The following EPB41L4A variants were observed in gnomAD, a reference collection of about 807,000 sequenced individuals.
The protein encoded by EPB41L4A is erythrocyte membrane protein band 4.1 like 4A.
EPB41L4A carries 100 observed loss-of-function variants against 108.6 expected under a neutral mutation model. That is an observed-to-expected ratio of 0.92 (90% CI 0.78 to 1.09). The LOEUF is 1.09. Ranked by LOEUF, EPB41L4A falls within the 50% of genes least tolerant of loss-of-function variation. The pLI is 0.00. For missense variants in EPB41L4A, 1,030 were observed against 842.7 expected, an observed-to-expected ratio of 1.22 and a Z score of -2.75; for synonymous variants, 319 against 289.0, an observed-to-expected ratio of 1.10 and a Z score of -1.05.
At chr5:112,285,306 A>G (rs1303576001) in intron 2 of EPB41L4A, among the ~76,000 whole-genome samples, 1 of 152,208 alleles carries the variant, frequency 6.6e-6, no homozygotes, top group East Asian at 1.9e-4. Flanking sequence ...AGAGTTGGTC[A>G]TGTACCATTG....
intron 12 of EPB41L4A, among the ~76,000 whole-genome samples, chr5:112,224,082 G>C (rs1206186721): frequency 6.6e-6 from 1 of 152,158 alleles, no homozygotes; most frequent in Non-Finnish European, 1.5e-5. Context: ...CTCCTGAGTA[G>C]CTGGGATTAC....
rs562140461 is a variant in EPB41L4A, at chr5:112,208,711, C to T, written c.1178+1181G>A. On this transcript the variant is annotated intron_variant, in intron 13 of 22. Coordinates refer to ENST00000261486, the MANE Select transcript of EPB41L4A (RefSeq NM_022140.5). Reference sequence around the variant, plus strand: ...TGACAAACCTACTGGCACACGTACCCCTGGACCTAAAATAAAAGTTGAAAA... The same window carrying T: ...TGACAAACCTACTGGCACACGTACCTCTGGACCTAAAATAAAAGTTGAAAA... Among the ~76,000 whole-genome samples the T allele has an allele frequency of 2.0e-5, 3 of 152,238 alleles. No individual in the cohort carries two copies. The South Asian group carries it at 6.2e-4, about 32-fold the overall frequency.
At chr5:112,395,516 CG>C (rs1272044930) in intron 1 of EPB41L4A, among the ~76,000 whole-genome samples, 1 of 152,152 alleles carries the variant, frequency 6.6e-6, no homozygotes, top group African/African-American at 2.4e-5. Flanking sequence ...CACTGGTCAT[CG>C]GAGAAATGCA....
intron 1 of EPB41L4A, among the ~76,000 whole-genome samples, chr5:112,312,815 T>G (rs1755134185): frequency 6.6e-6 from 1 of 152,182 alleles, no homozygotes. Flanking sequence ...TTATGGGTAC[T>G]TTGTAGAGAC....
intron 1 of EPB41L4A, among the ~76,000 whole-genome samples, chr5:112,393,284 A>C (rs528442799): frequency 6.6e-6 from 1 of 152,338 alleles, no homozygotes; most frequent in South Asian, 2.1e-4. Flanking sequence ...AACCATCAAA[A>C]AATTAATGAA....
At chr5:112,325,210 G>A (rs918363014) in intron 1 of EPB41L4A, among the ~76,000 whole-genome samples, 2 of 152,214 alleles carry the variant, frequency 1.3e-5, no homozygotes, top group African/African-American at 2.4e-5. Flanking sequence ...GGGAAGCTGA[G>A]GCGGGCAGAT....
chr5:112,168,224 TAA>T (rs1314590385), intron 22 of EPB41L4A, among the ~76,000 whole-genome samples: 1 of 152,238 alleles, frequency 6.6e-6, no homozygotes, highest in Non-Finnish European at 1.5e-5. Context: ...AGCTAAGTGT[TAA>T]AGTGATTTTG....
In EPB41L4A at chr5:112,307,376, C is replaced by G. The variant is rs769108686; in HGVS notation, c.204+10G>C. The G allele has an allele frequency of 6.3e-7, 1 of 1,577,482 alleles. No individual in the cohort carries two copies. The highest frequency in any genetic ancestry group is 8.7e-7 in the Non-Finnish European group (1 of 1,148,128). On this transcript the variant is annotated intron_variant, in intron 2 of 22. Coordinates refer to ENST00000261486, the MANE Select transcript of EPB41L4A (RefSeq NM_022140.5). Reference sequence around the variant, plus strand: ...ACCAGAAAAATTTAACACAAAGTCACCTTACTCACCGTCTGATGGCTTCTG... The same window carrying G: ...ACCAGAAAAATTTAACACAAAGTCAGCTTACTCACCGTCTGATGGCTTCTG...
At chr5:112,185,121 C>T (rs1224623263) in intron 17 of EPB41L4A, among the ~76,000 whole-genome samples, 2 of 151,342 alleles carry the variant, frequency 1.3e-5, no homozygotes, top group African/African-American at 4.9e-5. Flanking sequence ...AAAACGGAAC[C>T]CCTGTTATTT....
intron 12 of EPB41L4A, among the ~76,000 whole-genome samples, chr5:112,152,300 A>T (rs1759500225): frequency 1.3e-5 from 2 of 152,204 alleles, no homozygotes; most frequent in African/African-American, 4.8e-5. Flanking sequence ...AGTGAACCAA[A>T]TATTCTAAGT....
chr5:112,146,070 C>A, intron 12 of EPB41L4A: 1 of 439,724 alleles, frequency 2.3e-6, no homozygotes, highest in South Asian at 1.6e-5. Flanking sequence ...GGTGCTACTG[C>A]CTCTAGGGAC....
chr5:112,292,918 CG>C (rs1753742403), intron 2 of EPB41L4A, among the ~76,000 whole-genome samples: 1 of 151,972 alleles, frequency 6.6e-6, no homozygotes, highest in African/African-American at 2.4e-5. Flanking sequence ...CTGATTTAAC[CG>C]GGGAGAAGGA....
intron 2 of EPB41L4A, among the ~76,000 whole-genome samples, chr5:112,299,472 T>G (rs1349760609): frequency 6.6e-6 from 1 of 152,152 alleles, no homozygotes; most frequent in Non-Finnish European, 1.5e-5. Flanking sequence ...TTGGAGAAAG[T>G]TCCATGCACT....
At chr5:112,340,103 C>T (rs184044436) in intron 1 of EPB41L4A, among the ~76,000 whole-genome samples, 30 of 152,228 alleles carry the variant, frequency 2.0e-4, no homozygotes, top group Middle Eastern at 3.4e-3. Context: ...CGGAGGAGAG[C>T]CCATCGACCC....
In EPB41L4A at chr5:112,148,093, A is replaced by T. The variant is rs576537333; in HGVS notation, n.995-2095T>A. 2.7e-5 allele frequency among the ~76,000 whole-genome samples: 4 copies of T among 147,896 alleles called. No homozygotes were observed. In the South Asian group the frequency reaches 8.4e-4, roughly 31 times the overall value. ...AAATTGGGAGTTAAATAGTATTACT[A>T]TAATATAATAGTATTACTATATAAT... is the stretch of plus-strand genomic sequence containing the variant. On this transcript the variant is annotated intron_variant and non_coding_transcript_variant, in intron 12 of 13. Transcript: ENST00000507810.
intron 9 of EPB41L4A, among the ~76,000 whole-genome samples, chr5:112,258,917 T>C (rs1751300919): frequency 1.3e-5 from 2 of 152,204 alleles, no homozygotes; most frequent in South Asian, 4.1e-4. Flanking sequence ...TTATAACTCC[T>C]ACCTTCTACC....
intron 12 of EPB41L4A, among the ~76,000 whole-genome samples, chr5:112,224,966 C>G (rs1324235804): frequency 2.0e-5 from 3 of 152,222 alleles, no homozygotes; most frequent in African/African-American, 7.2e-5. Context: ...TTTATACTAA[C>G]TTCTTCCTTT....
chr5:112,315,355 C>T (rs985056177), intron 1 of EPB41L4A, among the ~76,000 whole-genome samples: 1 of 152,208 alleles, frequency 6.6e-6, no homozygotes, highest in Admixed American at 6.5e-5. Flanking sequence ...CTGAGTATCA[C>T]ACACCACTTA....
chr5:112,237,427 T>C (rs1749427377), intron 11 of EPB41L4A, among the ~76,000 whole-genome samples: 1 of 152,166 alleles, frequency 6.6e-6, no homozygotes, highest in African/African-American at 2.4e-5. Flanking sequence ...GAGTAAAGAC[T>C]AGAACTCTTG....
Sources: gnomAD v4.1 joint callset for allele counts (sites outside exome capture counted in the v4.1 genomes callset) on GRCh38, gnomAD v4.1.1 for gene constraint, MANE v1.5 for transcripts, NCBI Gene and HGNC (gene_info 2026-07-23, HGNC 2026-07-21) for gene names.